The following LTBP1 variants were observed in gnomAD, a reference collection of about 807,000 sequenced individuals.
The protein encoded by LTBP1 is latent transforming growth factor beta binding protein 1.
A neutral mutation model predicts 207.6 loss-of-function variants in LTBP1; 129 were observed. The ratio of observed to expected loss-of-function variants is 0.62; its 90% CI spans 0.54 to 0.72. The LOEUF is 0.72. Ranked by LOEUF, LTBP1 falls within the 30% of genes least tolerant of loss-of-function variation. LTBP1 has a pLI of 0.00. For synonymous variants in LTBP1, 963 were observed against 833.7 expected, an observed-to-expected ratio of 1.16 and a Z score of -2.67; for missense variants, 2,281 against 2,217.2, an observed-to-expected ratio of 1.03 and a Z score of -0.58.
At chr2:33,038,263 C>G (rs1193545048) in intron 3 of LTBP1, among the ~76,000 whole-genome samples, 1 of 152,246 alleles carries the variant, frequency 6.6e-6, no homozygotes, top group Non-Finnish European at 1.5e-5. Context: ...AAAGCCCAAA[C>G]TAAGACAGAT....
intron 7 of LTBP1, among the ~76,000 whole-genome samples, chr2:33,211,652 A>G (rs2090325806): frequency 6.6e-6 from 1 of 151,938 alleles, no homozygotes; most frequent in South Asian, 2.1e-4. Context: ...TGCAGCAAAC[A>G]CTCTTGGAAT....
intron 9 of LTBP1, among the ~76,000 whole-genome samples, chr2:33,229,423 A>G (rs1373348599): frequency 1.3e-5 from 2 of 152,112 alleles, no homozygotes; most frequent in Non-Finnish European, 1.5e-5. Context: ...GCAGTGAGCT[A>G]TGATCGTGCC....
At chr2:33,331,470 A>G (rs556563251) in intron 24 of LTBP1, among the ~76,000 whole-genome samples, 19 of 152,184 alleles carry the variant, frequency 1.2e-4, no homozygotes, top group Non-Finnish European at 2.1e-4. Context: ...CCTTTGACCA[A>G]TGAATTATTT....
intron 7 of LTBP1, among the ~76,000 whole-genome samples, chr2:33,193,143 TTTTG>T (rs567023610): frequency 6.6e-6 from 1 of 152,058 alleles, no homozygotes; most frequent in East Asian, 1.9e-4. Flanking sequence ...CCTTATTCTT[TTTTG>T]TTTGTTTGTT....
chr2:33,110,838 C>A, intron 4 of LTBP1, 87 bp downstream of exon 4: 1 of 1,201,218 alleles, frequency 8.3e-7, no homozygotes, highest in South Asian at 2.3e-5. Context: ...TTTAATGTGT[C>A]ACAGTAAATA....
chr2:33,309,305 A>T (rs2149149960), intron 22 of LTBP1, 129 bp from the exon 23 acceptor site: 4 of 603,114 alleles, frequency 6.6e-6, no homozygotes, highest in South Asian at 2.5e-5. Flanking sequence ...AAAGTTAAAA[A>T]GTTGTCATGT....
intron 2 of LTBP1, among the ~76,000 whole-genome samples, chr2:32,965,722 A>T (rs947698909): frequency 6.6e-6 from 1 of 152,224 alleles, no homozygotes; most frequent in African/African-American, 2.4e-5. Context: ...TTTATCCATC[A>T]TCTGCTGAAG....
intron 5 of LTBP1, among the ~76,000 whole-genome samples, chr2:33,173,265 A>G (rs1470387938): frequency 1.3e-5 from 2 of 151,746 alleles, no homozygotes; most frequent in African/African-American, 4.8e-5. Flanking sequence ...TAGCAAGACT[A>G]ATAAAGAAGA....
At chr2:32,957,841 CTG>C (rs1372968120) in intron 2 of LTBP1, among the ~76,000 whole-genome samples, 2 of 152,162 alleles carry the variant, frequency 1.3e-5, no homozygotes, top group African/African-American at 4.8e-5. Flanking sequence ...TGATGTGTGT[CTG>C]TTAATTTTTC....
At chr2:33,032,836 A>G (rs953958131) in intron 3 of LTBP1, among the ~76,000 whole-genome samples, 6 of 152,226 alleles carry the variant, frequency 3.9e-5, no homozygotes, top group African/African-American at 1.2e-4. Context: ...GATAAAAATA[A>G]TGGTAATTGC....
At chr2:33,241,369 G>C (rs546640185) in intron 9 of LTBP1, among the ~76,000 whole-genome samples, 1 of 152,144 alleles carries the variant, frequency 6.6e-6, no homozygotes, top group Non-Finnish European at 1.5e-5. Flanking sequence ...GTTTTCTTCC[G>C]TCTGAATTCC....
At chr2:32,994,253 G>A (rs77458275) in intron 2 of LTBP1, among the ~76,000 whole-genome samples, 2,123 of 152,192 alleles carry the variant, frequency 0.014, 17 homozygotes, top group Non-Finnish European at 0.021. Context: ...TGGTGTGCCT[G>A]GCACTAAGTG....
intron 5 of LTBP1, among the ~76,000 whole-genome samples, chr2:33,137,261 A>T (rs1159277713): frequency 1.3e-5 from 2 of 152,178 alleles, no homozygotes; most frequent in African/African-American, 4.8e-5. Context: ...GTACTTGTTT[A>T]TAGAATACTA....
chr2:33,368,342 G>C (rs952489210), intron 31 of LTBP1, among the ~76,000 whole-genome samples: 1 of 152,218 alleles, frequency 6.6e-6, no homozygotes, highest in African/African-American at 2.4e-5. Flanking sequence ...CAAAGGGAAT[G>C]TCTTTATCCA....
chr2:33,389,507 C>G (rs1019137439), intron 32 of LTBP1, among the ~76,000 whole-genome samples: 1 of 151,088 alleles, frequency 6.6e-6, no homozygotes, highest in African/African-American at 2.4e-5. Flanking sequence ...CTAAGAACCA[C>G]TGCATCATTC....
intron 31 of LTBP1, among the ~76,000 whole-genome samples, chr2:33,366,186 G>A (rs989159212): frequency 2.0e-5 from 3 of 152,128 alleles, no homozygotes; most frequent in South Asian, 2.1e-4. Context: ...TGCACTGATT[G>A]CTAATTTCCC....
intron 3 of LTBP1, among the ~76,000 whole-genome samples, chr2:33,041,819 T>C (rs1372794875): frequency 6.6e-6 from 1 of 152,146 alleles, no homozygotes; most frequent in African/African-American, 2.4e-5. Flanking sequence ...TATATAATTA[T>C]AATGATAAAG....
chr2:33,188,972 G>C, intron 7 of LTBP1, 121 bp downstream of exon 7: 2 of 1,166,656 alleles, frequency 1.7e-6, no homozygotes, highest in Admixed American at 2.6e-5. Context: ...ACTATGACTT[G>C]TGGCCATATT....
At chr2:32,991,367 T>C (rs541118352) in intron 2 of LTBP1, among the ~76,000 whole-genome samples, 1 of 152,374 alleles carries the variant, frequency 6.6e-6, no homozygotes, top group Admixed American at 6.5e-5. Flanking sequence ...TTGAATACTT[T>C]TTCTTGAAAT....
Sources: gnomAD v4.1 joint callset for allele counts (sites outside exome capture counted in the v4.1 genomes callset) on GRCh38, gnomAD v4.1.1 for gene constraint, MANE v1.5 for transcripts, NCBI Gene and HGNC (gene_info 2026-07-23, HGNC 2026-07-21) for gene names.